The following AP2A1 variants were observed in gnomAD, a reference collection of about 807,000 sequenced individuals.
The protein encoded by AP2A1 is AP-2 complex subunit alpha-1.
Under a neutral mutation model 107.3 loss-of-function variants are expected in AP2A1, and 21 were observed. The observed-to-expected ratio is 0.20, with a 90% CI of 0.14 to 0.28. AP2A1 has a LOEUF of 0.28. AP2A1 is among the 10% of genes least tolerant of loss of function. The pLI is 1.00. For missense variants in AP2A1, 873 were observed against 1,307.7 expected (o/e 0.67, Z 5.13); for synonymous variants, 602 against 564.8 (o/e 1.07, Z -0.93).
At chr19:49,777,922 C>T (rs892415049) in intron 1 of AP2A1, among the ~76,000 whole-genome samples, 3 of 151,166 alleles carry the variant, frequency 2.0e-5, no homozygotes, top group Non-Finnish European at 4.4e-5. Flanking sequence ...AGTGAGACCC[C>T]GTCTCAAGAA....
rs181461386 is a variant in AP2A1 at position 49,781,761 on chromosome 19, G to A, written c.72G>A (p.Lys24=). 128 of 1,593,902 alleles carry A rather than the reference G, an allele frequency of 8.0e-5. No homozygotes were observed. In the African/African-American group the frequency reaches 1.5e-3, roughly 19 times the overall value. The change falls in exon 2 of 23, where the codon AAG becomes AAA. Residue 24 remains lysine (K), a synonymous_variant. Coordinates refer to ENST00000354293, the MANE Select transcript of AP2A1 (RefSeq NM_130787.3). Reference sequence around the variant, plus strand: ...ACCCTCCTCCTCCTCTCCCAGGTAAGAGCAAAGAGGCGGAAATTAAGAGAA... The same window carrying A: ...ACCCTCCTCCTCCTCTCCCAGGTAAAAGCAAAGAGGCGGAAATTAAGAGAA... ...AVFISDIRNC[K]SKEAEIKRIN... is the part of the protein sequence containing the mutation.
chr19:49,805,569 C>A lies in AP2A1; in HGVS notation c.2461C>A (p.Arg821Ser). ...CCTGACGCCCCCGCTGCTGTCCGTG[C>A]GCTTCCGGTGAGTCAGGTACGGCGC... The part of the protein sequence containing the change: ...DFLTPPLLSV[R>S]FRYGGAPQAL... Residue 821 changes from arginine (R) to serine (S), a missense_variant, in exon 19 of 23, where the codon CGC (arginine) becomes AGC (serine). Coordinates refer to ENST00000354293, the MANE Select transcript of AP2A1 (RefSeq NM_130787.3). 7 of 1,576,134 alleles carry A rather than the reference C, an allele frequency of 4.4e-6. No individual in the cohort carries two copies. Among genetic ancestry groups the A allele is most frequent in the Non-Finnish European group, 5.2e-6 (6 of 1,160,818 alleles).
chr19:49,771,910 A>C (rs2084562206), intron 1 of AP2A1, among the ~76,000 whole-genome samples: 1 of 152,122 alleles, frequency 6.6e-6, no homozygotes, highest in Non-Finnish European at 1.5e-5. Flanking sequence ...AAGAGCTGTG[A>C]AGGCAGAGGC....
At chr19:49,776,946 A>G (rs1044666763) in intron 1 of AP2A1, among the ~76,000 whole-genome samples, 2 of 152,180 alleles carry the variant, frequency 1.3e-5, no homozygotes, top group African/African-American at 4.8e-5. Flanking sequence ...TTTAAAGGCC[A>G]GGTGCAGTGG....
intron 1 of AP2A1, among the ~76,000 whole-genome samples, chr19:49,774,990 G>C (rs755337524): frequency 6.6e-6 from 1 of 151,686 alleles, no homozygotes; most frequent in Admixed American, 6.6e-5. Context: ...TTGTGGGGCC[G>C]AGGCGGGCAG....
chr19:49,805,813 C>A (rs1363758146), intron 20 of AP2A1, 36 bp downstream of exon 20: 1 of 1,558,172 alleles, frequency 6.4e-7, no homozygotes, highest in Non-Finnish European at 8.7e-7. Flanking sequence ...CAAAGCCGCG[C>A]CTCTGGGTGG....
intron 1 of AP2A1, among the ~76,000 whole-genome samples, chr19:49,773,042 T>C (rs1017564506): frequency 1.0e-4 from 15 of 149,600 alleles, no homozygotes; most frequent in African/African-American, 3.7e-4. Context: ...GAGGGAAGAG[T>C]GTGGAGCCAG....
intron 4 of AP2A1, among the ~76,000 whole-genome samples, chr19:49,783,132 G>A (rs1232809216): frequency 1.3e-5 from 2 of 152,224 alleles, no homozygotes; most frequent in South Asian, 2.1e-4. Flanking sequence ...AGATGGACAC[G>A]GTCATTGCCC....
chr19:49,768,413 C>G (rs1467700861), intron 1 of AP2A1, among the ~76,000 whole-genome samples: 2 of 152,092 alleles, frequency 1.3e-5, no homozygotes, highest in African/African-American at 2.4e-5. Context: ...CTTCACCTCT[C>G]GGTTTCCTCA....
chr19:49,785,769 T>C lies in AP2A1; in HGVS notation c.473+3045T>C, dbSNP rs764272447. Among the ~76,000 whole-genome samples the C allele has an allele frequency of 6.6e-6, 1 of 151,752 alleles. No homozygotes were observed. The highest frequency in any genetic ancestry group is 1.5e-5 in the Non-Finnish European group (1 of 67,936). On this transcript the variant is annotated intron_variant, in intron 4 of 22. Coordinates refer to ENST00000354293, the MANE Select transcript of AP2A1 (RefSeq NM_130787.3). This position sits in a 1 kb window ranked among gnomAD's most constrained non-coding sequence, Gnocchi z 4.1. ...CCGTCTCTACTAAAAATACAAAAAT[T>C]AGTCAGGTGTGGTGGCGGGCACCTG...
At chr19:49,802,287 TGCCTCCCCTGCCCCA>T in intron 15 of AP2A1, 146 bp downstream of exon 15, 2 of 835,320 alleles carry the variant, frequency 2.4e-6, no homozygotes, top group South Asian at 2.9e-5. Flanking sequence ...CCCTGGCTGC[TGCCTCCCCTGCCCCA>T]GCCTCCCTGC....
chr19:49,802,423 C>G (rs146749572), intron 15 of AP2A1: 1 of 1,096,676 alleles, frequency 9.1e-7, no homozygotes, highest in Non-Finnish European at 1.3e-6. Flanking sequence ...TCTCTCCTTC[C>G]CTCTTCCGTC....
Position 49,798,839 on chromosome 19 carries a change from G to A in AP2A1, c.852G>A (p.Leu284=). The A allele has an allele frequency of 1.2e-6, 2 of 1,603,598 alleles. No homozygotes were observed. The highest frequency in any genetic ancestry group is 1.7e-6 in the Non-Finnish European group (2 of 1,175,326). Residue 284 remains leucine (L), a synonymous_variant, in exon 8 of 23, where the codon CTG becomes CTA. Coordinates refer to ENST00000354293, the MANE Select transcript of AP2A1 (RefSeq NM_130787.3). ...TGAAGGGGCGGCTGGTGGAATGTCTGGAGACTGTGCTCAACAAGGCCCAGG... is the reference window on the plus strand; with the variant it reads ...TGAAGGGGCGGCTGGTGGAATGTCTAGAGACTGTGCTCAACAAGGCCCAGG... ...AAVKGRLVEC[L]ETVLNKAQEP... is the part of the protein sequence containing the mutation.
chr19:49,802,922 C>A lies in AP2A1; in HGVS notation c.2115-27C>A, dbSNP rs1212496391. On this transcript the variant is annotated intron_variant, in intron 15 of 22. Transcript: ENST00000354293. ...TTGCCCCTCCCCACCAAGTTCCTTC[C>A]CATCTCACTCTGCTCCATGCCTCCA... is the stretch of plus-strand genomic sequence containing the variant. 4 of 1,608,958 alleles carry A rather than the reference C, an allele frequency of 2.5e-6. No individual in the cohort carries two copies. The Admixed American group carries it at 5.0e-5, about 20-fold the overall frequency.
intron 4 of AP2A1, among the ~76,000 whole-genome samples, chr19:49,790,841 G>A (rs540866334): frequency 2.0e-5 from 3 of 152,352 alleles, no homozygotes; most frequent in African/African-American, 7.2e-5. Flanking sequence ...GAAGATAAAC[G>A]TGTGAATCCA....
chr19:49,806,443 C>G (rs1282868739), intron 22 of AP2A1, 190 bp downstream of exon 22: 10 of 1,435,332 alleles, frequency 7.0e-6, no homozygotes, highest in African/African-American at 1.4e-5. Context: ...TGGTGTTCCT[C>G]TCCTCTTCCT....
intron 6 of AP2A1, among the ~76,000 whole-genome samples, chr19:49,793,825 G>A (rs1254052934): frequency 1.3e-5 from 2 of 151,932 alleles, no homozygotes; most frequent in Non-Finnish European, 1.5e-5. Flanking sequence ...CGCATCTCCT[G>A]GGCAGTCAGG....
At chr19:49,801,941 G>T in intron 14 of AP2A1, 40 bp from the exon 15 acceptor site, 2 of 1,457,346 alleles carry the variant, frequency 1.4e-6, no homozygotes, top group East Asian at 2.5e-5. Flanking sequence ...GGGTCCTGCC[G>T]GGCGCCGCCT....
intron 6 of AP2A1, among the ~76,000 whole-genome samples, chr19:49,794,732 G>A (rs2073190152): frequency 6.6e-6 from 1 of 151,958 alleles, no homozygotes; most frequent in African/African-American, 2.4e-5. Context: ...GCGTGATCTT[G>A]GCTCACTGCA....
Sources: gnomAD v4.1 joint callset for allele counts (sites outside exome capture counted in the v4.1 genomes callset) on GRCh38, gnomAD v4.1.1 for gene constraint, Gnocchi (gnomAD v3.1) non-coding constraint, MANE v1.5 for transcripts, NCBI Gene and HGNC (gene_info 2026-07-23, HGNC 2026-07-21) for gene names.